NFILZ: variants seen among roughly 807,000 people sequenced by gnomAD.
NFILZ encodes NFIL3 like basic leucine zipper, also known as NFIL3 like protein.
chr19:8,653,737 G>A (rs1390187468), intron 3 of NFILZ, among the ~76,000 whole-genome samples: 4 of 152,184 alleles, frequency 2.6e-5, no homozygotes, highest in African/African-American at 4.8e-5. Flanking sequence ...ACCAAATACC[G>A]TGTGTTCTCA....
Position 8,678,687 on chromosome 19 carries a change from C to G in NFILZ, c.*1052C>G, listed in dbSNP as rs1469233438. On this transcript the variant is annotated 3_prime_UTR_variant, in exon 6 of 6. Coordinates refer to ENST00000691075, the MANE Select transcript of NFILZ (RefSeq NM_001378600.1). ...TCTACACATCCTTCCTTTCATCCAC[C>G]CATTCATCTACTCATCCACCCATCC... 1.3e-5 allele frequency among the ~76,000 whole-genome samples: 2 copies of G among 151,928 alleles called. No individual in the cohort carries two copies. The highest frequency in any genetic ancestry group is 3.9e-4 in the East Asian group (2 of 5,194).
chr19:8,651,725 A>G (rs8104091), intron 3 of NFILZ, among the ~76,000 whole-genome samples: 2,539 of 151,688 alleles, frequency 0.017, 70 homozygotes, highest in African/African-American at 0.059. Context: ...AGAGATGGGG[A>G]TCTCACGATG....
chr19:8,649,631 G>GTCC (rs2042956437), intron 3 of NFILZ, among the ~76,000 whole-genome samples: 1 of 152,020 alleles, frequency 6.6e-6, no homozygotes, highest in African/African-American at 2.4e-5. Context: ...TGCTGTATGG[G>GTCC]TCCTGTTTTA....
intron 1 of NFILZ, among the ~76,000 whole-genome samples, chr19:8,631,493 G>A (rs896476255): frequency 5.0e-4 from 76 of 152,090 alleles, no homozygotes; most frequent in African/African-American, 1.7e-3. Context: ...GGAGGCAGGC[G>A]TGTCTTCTGG....
intron 3 of NFILZ, among the ~76,000 whole-genome samples, chr19:8,650,161 G>T (rs3098391): frequency 6.9e-6 from 1 of 145,190 alleles, no homozygotes; most frequent in African/African-American, 2.5e-5. Context: ...TACAGCTGAG[G>T]TTTTTTTTTT....
chr19:8,663,754 G>GTGTGTGTGTTTGTGTGTGTGTGTGTA (rs1568423400), intron 3 of NFILZ, among the ~76,000 whole-genome samples: 1 of 117,542 alleles, frequency 8.5e-6, no homozygotes, highest in African/African-American at 4.8e-5. Flanking sequence ...GTGTGTGTGT[G>GTGTGTGTGTTTGTGTGTGTGTGTGTA]TGTGTGTGTG....
At chr19:8,633,881 TC>T (rs1324701301) in intron 2 of NFILZ, among the ~76,000 whole-genome samples, 5 of 28,358 alleles carry the variant, frequency 1.8e-4, no homozygotes, top group African/African-American at 2.4e-4. Context: ...TTTTCTCCCT[TC>T]CTTCCTTCCT....
chr19:8,672,009 T>G (rs1277940670), intron 3 of NFILZ, among the ~76,000 whole-genome samples: 1 of 152,266 alleles, frequency 6.6e-6, no homozygotes, highest in East Asian at 1.9e-4. Context: ...CTCACTGTTA[T>G]GGGTTCTGCC....
chr19:8,649,422 C>T (rs1383468578), intron 3 of NFILZ, among the ~76,000 whole-genome samples: 3 of 152,130 alleles, frequency 2.0e-5, no homozygotes, highest in South Asian at 2.1e-4. Context: ...CATGCCATCA[C>T]GCCTAGCTAA....
intron 3 of NFILZ, among the ~76,000 whole-genome samples, chr19:8,648,171 C>CAAAAAAAAAAAAAAAAAACAAAAA (rs2042950489): frequency 1.5e-5 from 1 of 68,536 alleles, no homozygotes; most frequent in Non-Finnish European, 2.6e-5. Context: ...GACTCCGTCT[C>CAAAAAAAAAAAAAAAAAACAAAAA]AAAAAAAAAA....
At chr19:8,660,952 C>T (rs1242541637) in intron 3 of NFILZ, among the ~76,000 whole-genome samples, 1 of 143,844 alleles carries the variant, frequency 7.0e-6, no homozygotes, top group African/African-American at 2.6e-5. Context: ...CTTCCTTCCT[C>T]CCTCCCTCCC....
At position 8,680,212 on chromosome 19, in the gene NFILZ, A is replaced by G. The variant is rs572426274; in HGVS notation, c.*2577A>G. Among the ~76,000 whole-genome samples the G allele has an allele frequency of 7.4e-6, 1 of 134,844 alleles. No individual in the cohort carries two copies. The highest frequency in any genetic ancestry group is 3.2e-5 in the African/African-American group (1 of 31,106). 88.5% of individuals were successfully genotyped at this position (134,844 alleles called of 152,430 possible). A position where few individuals can be genotyped will look rare whatever the true frequency, so the allele number is the denominator to read the frequency against. ...CTCCATCTGAAAAAAAAAAAAAAAA[A>G]AAGGAAAAAGAAAAAATCCTGTTTC... On this transcript the variant is annotated 3_prime_UTR_variant, in exon 6 of 6. Coordinates refer to ENST00000691075, the MANE Select transcript of NFILZ (RefSeq NM_001378600.1).
At chr19:8,631,879 G>GT (rs2042871883) in intron 1 of NFILZ, among the ~76,000 whole-genome samples, 1 of 146,426 alleles carries the variant, frequency 6.8e-6, no homozygotes, top group South Asian at 2.2e-4. Context: ...TTGTTTGTTT[G>GT]TTTTTTTGAG....
At chr19:8,652,926 C>CTCT (rs143544802) in intron 3 of NFILZ, among the ~76,000 whole-genome samples, 1 of 122,816 alleles carries the variant, frequency 8.1e-6, no homozygotes, top group Admixed American at 9.0e-5. Context: ...TCTCTCTTCT[C>CTCT]TCTCTCTTTC....
intron 3 of NFILZ, among the ~76,000 whole-genome samples, chr19:8,674,337 A>G (rs920061327): frequency 8.5e-5 from 13 of 152,056 alleles, no homozygotes; most frequent in Non-Finnish European, 5.9e-5. Context: ...CTTTTATTAT[A>G]ATTTCACTCA....
intron 3 of NFILZ, among the ~76,000 whole-genome samples, chr19:8,658,581 T>G (rs1280792841): frequency 4.0e-5 from 6 of 151,854 alleles, no homozygotes; most frequent in Non-Finnish European, 7.4e-5. Flanking sequence ...ACAGGACAAG[T>G]GAGGATTTCT....
At chr19:8,657,419 T>G (rs982162310) in intron 3 of NFILZ, among the ~76,000 whole-genome samples, 1 of 152,128 alleles carries the variant, frequency 6.6e-6, no homozygotes, top group Non-Finnish European at 1.5e-5. Context: ...TGCTTTTGTC[T>G]GCAGGGGGTC....
Position 8,678,159 on chromosome 19 carries a change from A to T in NFILZ, c.*524A>T, listed in dbSNP as rs797039185. Among the ~76,000 whole-genome samples, 1 of 11,856 alleles carries T rather than the reference A, an allele frequency of 8.4e-5. No homozygotes were observed. The highest frequency in any genetic ancestry group is 1.8e-4 in the Non-Finnish European group (1 of 5,428). 7.8% of individuals were successfully genotyped at this position (11,856 alleles called of 152,430 possible). ...CATTCATCCACTTGTCCGTCCATCCATCCATCCATCCATCCATCCATCCAT... is the reference window on the plus strand; with the variant it reads ...CATTCATCCACTTGTCCGTCCATCCTTCCATCCATCCATCCATCCATCCAT... On this transcript the variant is annotated 3_prime_UTR_variant, in exon 6 of 6. Coordinates refer to ENST00000691075, the MANE Select transcript of NFILZ (RefSeq NM_001378600.1).
intron 3 of NFILZ, among the ~76,000 whole-genome samples, chr19:8,668,543 A>G (rs1332854672): frequency 6.6e-6 from 1 of 152,048 alleles, no homozygotes; most frequent in Non-Finnish European, 1.5e-5. Flanking sequence ...GATATTCTCT[A>G]TTTCCTCAGA....
Sources: allele counts gnomAD v4.1 joint callset (sites outside exome capture counted in the v4.1 genomes callset), GRCh38; gene constraint gnomAD v4.1.1; transcripts MANE v1.5; gene names NCBI Gene and HGNC (gene_info 2026-07-23, HGNC 2026-07-21).